Variants in CDH13 observed in about 807,000 individuals in gnomAD.
CDH13 encodes cadherin 13.
CDH13 carries 24 observed loss-of-function variants against 63.8 expected under a neutral mutation model. That is an observed-to-expected ratio of 0.38 (90% CI 0.27 to 0.53). CDH13 has a LOEUF of 0.53. Among genes scored for constraint, CDH13 ranks in the 20% least tolerant of loss-of-function variants. The pLI, the probability that CDH13 is intolerant of heterozygous loss-of-function variation, is 0.85. For synonymous variants in CDH13, 503 were observed against 355.3 expected (o/e 1.42, Z -4.67); for missense variants, 1,049 against 903.1 (o/e 1.16, Z -2.07).
intron 8 of CDH13, among the ~76,000 whole-genome samples, chr16:83,631,962 T>G (rs1231857891): frequency 6.6e-6 from 1 of 152,180 alleles, no homozygotes; most frequent in East Asian, 1.9e-4. Context: ...AAACTGTCCA[T>G]ATGACAAGCC....
intron 7 of CDH13, among the ~76,000 whole-genome samples, chr16:83,521,122 A>G (rs2074823459): frequency 6.6e-6 from 1 of 152,196 alleles, no homozygotes; most frequent in Admixed American, 6.5e-5. Context: ...CCCCATCACC[A>G]CAGTGCCACA....
rs528975089 is a variant in CDH13 at position 83,251,949 on chromosome 16, C to T, written c.636+34452C>T. ...ATAGCCCCTGAGGGAGTGCCTCTTT[C>T]TAATCCCTACAAAGACCCTTATAGG... is the stretch of plus-strand genomic sequence containing the variant. On this transcript the variant is annotated intron_variant, in intron 5 of 13. Coordinates refer to ENST00000567109, the MANE Select transcript of CDH13 (RefSeq NM_001257.5). Among the ~76,000 whole-genome samples, 19 of 152,116 alleles carry T rather than the reference C, an allele frequency of 1.2e-4. 1 individual carries two copies. The highest frequency in any genetic ancestry group is 1.2e-3 in the Admixed American group (19 of 15,258).
At chr16:82,834,684 C>G (rs1015982630) in intron 1 of CDH13, among the ~76,000 whole-genome samples, 6 of 152,274 alleles carry the variant, frequency 3.9e-5, no homozygotes, top group African/African-American at 7.2e-5. Context: ...AAATGTCTGT[C>G]TGCTCACGCA....
At chr16:83,222,185 C>G (rs1424778964) in intron 5 of CDH13, among the ~76,000 whole-genome samples, 2 of 152,224 alleles carry the variant, frequency 1.3e-5, no homozygotes, top group African/African-American at 4.8e-5. Flanking sequence ...CTGCCACCTT[C>G]TGAGTATTTG....
chr16:83,269,432 C>T (rs1258541229), intron 5 of CDH13, among the ~76,000 whole-genome samples: 1 of 152,024 alleles, frequency 6.6e-6, no homozygotes, highest in Non-Finnish European at 1.5e-5. Context: ...CCCACATCAT[C>T]TATTTGGACC....
chr16:83,589,692 G>C (rs570056401), intron 7 of CDH13, among the ~76,000 whole-genome samples: 1 of 152,196 alleles, frequency 6.6e-6, no homozygotes, highest in South Asian at 2.1e-4. Context: ...ACCTGACATT[G>C]AGCATCTCAC....
rs572884142 is a variant in CDH13 at position 82,749,832 on chromosome 16, C to G, written c.46-108530C>G. 3.9e-5 allele frequency among the ~76,000 whole-genome samples: 6 copies of G among 152,234 alleles called. No individual in the cohort carries two copies. The East Asian group carries it at 9.6e-4, about 24-fold the overall frequency. On this transcript the variant is annotated intron_variant, in intron 1 of 13. Transcript: ENST00000567109. ...TTCTTCCTCCTTTCCTTTATGTTCA[C>G]CAGCACCTAACATACATTTATGCCT...
chr16:83,250,916 T>G (rs1341230422), intron 5 of CDH13, among the ~76,000 whole-genome samples: 2 of 152,186 alleles, frequency 1.3e-5, no homozygotes, highest in Non-Finnish European at 2.9e-5. Context: ...CATGAAGTAT[T>G]GAACTATATG....
intron 3 of CDH13, among the ~76,000 whole-genome samples, chr16:83,093,469 C>T (rs1036285037): frequency 6.6e-6 from 1 of 151,758 alleles, no homozygotes; most frequent in Admixed American, 6.6e-5. Context: ...TAGGCACCCA[C>T]CACCATGCCT....
chr16:83,313,111 C>G (rs555306949), intron 5 of CDH13, among the ~76,000 whole-genome samples: 2 of 152,180 alleles, frequency 1.3e-5, no homozygotes, highest in South Asian at 2.1e-4. Context: ...CATGCACATG[C>G]TCATGAGTTT....
chr16:82,922,135 T>G lies in CDH13; in HGVS notation c.157+63662T>G, dbSNP rs4635337. On this transcript the variant is annotated intron_variant, in intron 2 of 13. Transcript: ENST00000567109. Reference sequence around the variant, plus strand: ...TGCCCTTTGTTATTTATTAATTTGGTGATCTGTGTCTTCTCTCTTTTATCT... The same window carrying G: ...TGCCCTTTGTTATTTATTAATTTGGGGATCTGTGTCTTCTCTCTTTTATCT... Among the ~76,000 whole-genome samples the G allele has an allele frequency of 6.1e-3, 920 of 152,018 alleles. 6 individuals carry two copies. Among genetic ancestry groups the G allele is most frequent in the African/African-American group, 0.021 (872 of 41,490 alleles).
In CDH13 at chr16:83,526,609, A is replaced by G. The variant is rs149128599; in HGVS notation, c.960+39954A>G. Among the ~76,000 whole-genome samples, 30 of 152,268 alleles carry G rather than the reference A, an allele frequency of 2.0e-4. No homozygotes were observed. In the East Asian group the frequency reaches 2.1e-3, roughly 11 times the overall value. ...TGCTCACCTCCTGCTGTGTGGCCCA[A>G]TTCCTAACAGCGTACAGACTAGTTC... On this transcript the variant is annotated intron_variant, in intron 7 of 13. Coordinates refer to ENST00000567109, the MANE Select transcript of CDH13 (RefSeq NM_001257.5).
chr16:83,589,607 T>C (rs906397028), intron 7 of CDH13, among the ~76,000 whole-genome samples: 2 of 152,012 alleles, frequency 1.3e-5, no homozygotes, highest in Non-Finnish European at 2.9e-5. Context: ...CTGTGTGCCA[T>C]AGAAGATACG....
intron 1 of CDH13, among the ~76,000 whole-genome samples, chr16:82,790,762 C>T (rs1304733256): frequency 6.6e-6 from 1 of 152,136 alleles, no homozygotes; most frequent in East Asian, 1.9e-4. Flanking sequence ...AGGAGAGTGC[C>T]AAGGGAAGAG....
chr16:83,610,090 G>T (rs1473584805), intron 8 of CDH13, among the ~76,000 whole-genome samples: 1 of 152,126 alleles, frequency 6.6e-6, no homozygotes, highest in Non-Finnish European at 1.5e-5. Flanking sequence ...CCATTCCATG[G>T]TTATACCACA....
At chr16:82,946,283 A>G (rs906839840) in intron 2 of CDH13, among the ~76,000 whole-genome samples, 1 of 152,098 alleles carries the variant, frequency 6.6e-6, no homozygotes. Context: ...GGGTGGAAGG[A>G]TGGAATAATG....
In CDH13 at chr16:83,226,579, T is replaced by G. The variant is rs559739843; in HGVS notation, c.636+9082T>G. ...GGATGGCTACCCTTTTTTTTCTGTT[T>G]TAGTTGTCTAACTACAACCAGGTCT... On this transcript the variant is annotated intron_variant, in intron 5 of 13. Coordinates refer to ENST00000567109, the MANE Select transcript of CDH13 (RefSeq NM_001257.5). Among the ~76,000 whole-genome samples the G allele has an allele frequency of 1.6e-4, 24 of 152,332 alleles. No individual in the cohort carries two copies. In the East Asian group the frequency reaches 4.1e-3, roughly 26 times the overall value.
At chr16:83,052,240 A>G (rs148624684) in intron 3 of CDH13, among the ~76,000 whole-genome samples, 1 of 152,338 alleles carries the variant, frequency 6.6e-6, no homozygotes, top group African/African-American at 2.4e-5. Flanking sequence ...ATTTTCTGTT[A>G]TAAAACTTCA....
chr16:82,734,342 C>T (rs768552383), intron 1 of CDH13, among the ~76,000 whole-genome samples: 33 of 152,116 alleles, frequency 2.2e-4, no homozygotes, highest in Non-Finnish European at 1.2e-4. Context: ...AAAATGTGTC[C>T]ACCTACATCT....
Sources: gnomAD v4.1 joint callset for allele counts (sites outside exome capture counted in the v4.1 genomes callset) on GRCh38, gnomAD v4.1.1 for gene constraint, MANE v1.5 for transcripts, NCBI Gene and HGNC (gene_info 2026-07-23, HGNC 2026-07-21) for gene names.